Variants in NBEA observed in about 807,000 individuals in gnomAD.
NBEA encodes the protein lysosomal-trafficking regulator 2.
Under a neutral mutation model 343.4 loss-of-function variants are expected in NBEA, and 44 were observed. The ratio of observed to expected loss-of-function variants is 0.13; its 90% CI spans 0.10 to 0.16. NBEA has a LOEUF of 0.16. Ranked by LOEUF, NBEA falls within the 10% of genes least tolerant of loss-of-function variation. NBEA has a pLI of 1.00. For synonymous variants in NBEA, 1,175 were observed against 1,238.7 expected (o/e 0.95, Z 1.08); for missense variants, 2,555 against 3,631.3 (o/e 0.70, Z 7.62).
At chr13:35,478,210 C>A (rs1348337937) in intron 41 of NBEA, among the ~76,000 whole-genome samples, 2 of 152,200 alleles carry the variant, frequency 1.3e-5, no homozygotes, top group South Asian at 2.1e-4. Flanking sequence ...TATTTAATTT[C>A]TCCTTATCCA....
At chr13:35,207,167 C>T in intron 31 of NBEA, among the ~76,000 whole-genome samples, 1 of 151,492 alleles carries the variant, frequency 6.6e-6, no homozygotes, top group East Asian at 1.9e-4. Flanking sequence ...ATAATTATTA[C>T]AAATATAGAT....
At chr13:35,251,523 GC>G in intron 34 of NBEA, 1 of 1,131,062 alleles carries the variant, frequency 8.8e-7, no homozygotes, top group South Asian at 2.1e-5. Flanking sequence ...CCACCTCTGG[GC>G]TCATCCTGGA....
intron 1 of NBEA, among the ~76,000 whole-genome samples, chr13:35,026,714 A>G (rs2062031734): frequency 6.6e-6 from 1 of 152,158 alleles, no homozygotes; most frequent in South Asian, 2.1e-4. Context: ...AGCCAGACAT[A>G]GTTTTAAATT....
intron 44 of NBEA, among the ~76,000 whole-genome samples, chr13:35,565,907 A>G (rs1482782190): frequency 2.0e-5 from 3 of 152,170 alleles, no homozygotes; most frequent in Non-Finnish European, 4.4e-5. Flanking sequence ...GAACTTAAGG[A>G]GTGAAAAAAT....
Position 35,159,327 on chromosome 13 carries a change from A to C in NBEA, c.3156A>C (p.Val1052=). Residue 1052 remains valine (V), a synonymous_variant, in exon 22 of 59, where the codon GTA becomes GTC. Transcript: ENST00000379939. ...DRPGSGVHVE[V]HDLLVDIKAE... Reference sequence around the variant, plus strand: ...CAGGAAGTGGTGTACATGTGGAAGTACATGATCTTTTAGTAGATATAAAAG... The same window carrying C: ...CAGGAAGTGGTGTACATGTGGAAGTCCATGATCTTTTAGTAGATATAAAAG... The C allele has an allele frequency of 6.2e-7, 1 of 1,613,640 alleles. No homozygotes were observed. The highest frequency in any genetic ancestry group is 1.1e-5 in the South Asian group (1 of 91,072).
chr13:35,667,344 G>T, intron 56 of NBEA, 30 bp from the exon 57 acceptor site: 1 of 1,597,210 alleles, frequency 6.3e-7, no homozygotes, highest in South Asian at 1.1e-5. Context: ...GTCCCCAACT[G>T]ACCCTGGCAT....
At chr13:35,113,268 G>A (rs140322844) in intron 13 of NBEA, among the ~76,000 whole-genome samples, 18 of 152,124 alleles carry the variant, frequency 1.2e-4, no homozygotes, top group African/African-American at 3.9e-4. Flanking sequence ...CTTGTATCAT[G>A]TCAAGGAGGC....
intron 38 of NBEA, among the ~76,000 whole-genome samples, chr13:35,358,408 G>A (rs1254294269): frequency 6.6e-6 from 1 of 151,972 alleles, no homozygotes. Flanking sequence ...AGAAGAGATT[G>A]ATATTGAATT....
At chr13:35,214,552 A>T (rs2073959869) in intron 33 of NBEA, among the ~76,000 whole-genome samples, 1 of 151,384 alleles carries the variant, frequency 6.6e-6, no homozygotes, top group African/African-American at 2.4e-5. Context: ...ATCTTTTAAA[A>T]TTTTTCTTGA....
At chr13:35,439,202 CAAT>C (rs1360933518) in intron 39 of NBEA, among the ~76,000 whole-genome samples, 4 of 152,118 alleles carry the variant, frequency 2.6e-5, no homozygotes, top group Non-Finnish European at 5.9e-5. Context: ...CTCCCCACAA[CAAT>C]GACAACAGCA....
intron 47 of NBEA, among the ~76,000 whole-genome samples, chr13:35,598,752 AG>A (rs987961971): frequency 6.6e-6 from 1 of 152,210 alleles, no homozygotes; most frequent in African/African-American, 2.4e-5. Flanking sequence ...CTTTTATAAA[AG>A]GGTTTTACAG....
intron 48 of NBEA, among the ~76,000 whole-genome samples, chr13:35,612,164 G>T (rs9544808): frequency 6.7e-6 from 1 of 149,402 alleles, no homozygotes; most frequent in Non-Finnish European, 1.5e-5. Flanking sequence ...ACAGAGTCTC[G>T]CTCTGTCGCC....
chr13:35,551,265 A>G lies in NBEA; in HGVS notation c.6806+233A>G, dbSNP rs920734028. ...TATAAATAACAAAGTAAAAAACTTG[A>G]TTGCTTATCACATAGCTAGCATATA... On this transcript the variant is annotated intron_variant, in intron 43 of 58. Coordinates refer to ENST00000379939, the MANE Select transcript of NBEA (RefSeq NM_001385012.1). 2.6e-5 allele frequency among the ~76,000 whole-genome samples: 4 copies of G among 152,270 alleles called. No homozygotes were observed. In the East Asian group the frequency reaches 5.8e-4, roughly 22 times the overall value.
chr13:35,361,101 G>T (rs1390115551), intron 38 of NBEA, among the ~76,000 whole-genome samples: 1 of 151,866 alleles, frequency 6.6e-6, no homozygotes, highest in Non-Finnish European at 1.5e-5. Context: ...AAAAAATCTT[G>T]AAAGAAAATA....
intron 41 of NBEA, among the ~76,000 whole-genome samples, chr13:35,518,820 T>G (rs1355373917): frequency 6.6e-6 from 1 of 152,094 alleles, no homozygotes; most frequent in African/African-American, 2.4e-5. Flanking sequence ...GAGCTTTGAT[T>G]TGGGGCGGTG....
chr13:35,359,832 A>ATGTG (rs60793996), intron 38 of NBEA, among the ~76,000 whole-genome samples: 79 of 144,650 alleles, frequency 5.5e-4, no homozygotes, highest in Middle Eastern at 3.6e-3. Context: ...GTGTGTGTGT[A>ATGTG]TGTGTGTGTG....
chr13:35,054,217 C>T (rs1048393746), intron 6 of NBEA, among the ~76,000 whole-genome samples: 3 of 151,942 alleles, frequency 2.0e-5, no homozygotes, highest in Admixed American at 1.3e-4. Flanking sequence ...TTTGTGTCTT[C>T]TGTGTTATTT....
At chr13:34,971,399 A>T (rs1021858714) in intron 1 of NBEA, among the ~76,000 whole-genome samples, 4 of 151,508 alleles carry the variant, frequency 2.6e-5, no homozygotes, top group Admixed American at 6.6e-5. Flanking sequence ...GCTGAATAGG[A>T]GGGGTGAAAG....
intron 11 of NBEA, among the ~76,000 whole-genome samples, chr13:35,101,035 T>A (rs913786795): frequency 6.6e-6 from 1 of 152,026 alleles, no homozygotes; most frequent in Non-Finnish European, 1.5e-5. Flanking sequence ...ATTTTAGAAC[T>A]CCGTTCTTTT....
Sources: gnomAD v4.1 joint callset for allele counts (sites outside exome capture counted in the v4.1 genomes callset) on GRCh38, gnomAD v4.1.1 for gene constraint, MANE v1.5 for transcripts, NCBI Gene and HGNC (gene_info 2026-07-23, HGNC 2026-07-21) for gene names.